Variants in GOLPH3L observed in about 807,000 individuals in gnomAD.
GOLPH3L encodes the protein golgi phosphoprotein 3 like.
GOLPH3L carries 22 observed loss-of-function variants against 30.3 expected under a neutral mutation model. The observed-to-expected ratio is 0.73, with a 90% confidence interval of 0.52 to 1.04. The LOEUF is 1.04. GOLPH3L is among the 50% of genes least tolerant of loss of function. The pLI is 0.00. For synonymous variants in GOLPH3L, 120 were observed against 128.2 expected, an observed-to-expected ratio of 0.94 and a Z score of 0.43; for missense variants, 303 against 345.8, an observed-to-expected ratio of 0.88 and a Z score of 0.98.
At chr1:150,657,844 T>A (rs1324889331) in intron 4 of GOLPH3L, among the ~76,000 whole-genome samples, 1 of 152,218 alleles carries the variant, frequency 6.6e-6, no homozygotes, top group Non-Finnish European at 1.5e-5. Context: ...GGACACCCCA[T>A]ATACAACTGA....
chr1:150,677,973 G>A (rs1047303493), intron 2 of GOLPH3L, among the ~76,000 whole-genome samples: 1 of 151,398 alleles, frequency 6.6e-6, no homozygotes, highest in Non-Finnish European at 1.5e-5. Context: ...TTGGCTATGG[G>A]TTATCAAGTA....
chr1:150,686,718 C>A (rs1249746697), intron 2 of GOLPH3L, among the ~76,000 whole-genome samples: 2 of 152,104 alleles, frequency 1.3e-5, no homozygotes, highest in Non-Finnish European at 2.9e-5. Context: ...GCCAAAATCC[C>A]AAATTCAAGT....
chr1:150,683,831 A>G (rs6685702), intron 2 of GOLPH3L, among the ~76,000 whole-genome samples: 58,378 of 151,142 alleles, frequency 0.39, 11,559 homozygotes, highest in South Asian at 0.55. Flanking sequence ...GCTGTCCTTC[A>G]GGCGGATGTA....
At chr1:150,692,671 A>G (rs1651240206) in intron 2 of GOLPH3L, among the ~76,000 whole-genome samples, 1 of 152,176 alleles carries the variant, frequency 6.6e-6, no homozygotes. Context: ...GGATTACAGG[A>G]ATTAGCCATT....
At chr1:150,654,380 C>T (rs1007099146) in intron 4 of GOLPH3L, among the ~76,000 whole-genome samples, 32 of 151,560 alleles carry the variant, frequency 2.1e-4, no homozygotes, top group African/African-American at 7.7e-4. Context: ...GTGGTGGGAG[C>T]CTGTAATCCC....
At position 150,692,825 on chromosome 1, in the gene GOLPH3L, C is replaced by A. The variant is rs587727078; in HGVS notation, c.183+1831G>T. Among the ~76,000 whole-genome samples, 50 of 152,172 alleles carry A rather than the reference C, an allele frequency of 3.3e-4. 1 individual carries two copies. In the South Asian group the frequency reaches 0.01, roughly 31 times the overall value. ...CCATTATAAACACATGAAGACAAGC[C>A]CAAAAGCAAAAATTCCAGTGCATAA... On this transcript the variant is annotated intron_variant, in intron 2 of 4. Transcript: ENST00000271732.
chr1:150,661,849 G>T lies in GOLPH3L; in HGVS notation c.395C>A (p.Thr132Lys). 1 of 1,578,898 alleles carries T rather than the reference G, an allele frequency of 6.3e-7. No individual in the cohort carries two copies. Among genetic ancestry groups the T allele is most frequent in the Non-Finnish European group, 8.7e-7 (1 of 1,147,732 alleles). Residue 132 changes from threonine to lysine, a missense_variant, in exon 4 of 5, where the codon ACA becomes AAA. Thr to Lys is a moderately conservative substitution (Grantham distance 78). Transcript: ENST00000271732. ...TLKHIKATEP[T>K]ETVQTWIELL... ...CTCTATCCATGTTTGGACAGTTTCTGTGGGTTCAGTTGCTTTGATGTGTTT... is the reference window on the plus strand; with the variant it reads ...CTCTATCCATGTTTGGACAGTTTCTTTGGGTTCAGTTGCTTTGATGTGTTT...
chr1:150,658,109 C>G (rs587598252), intron 4 of GOLPH3L, among the ~76,000 whole-genome samples: 4 of 152,166 alleles, frequency 2.6e-5, no homozygotes, highest in Admixed American at 1.3e-4. Flanking sequence ...AGCCAGATGC[C>G]GAGGAAGAGA....
intron 2 of GOLPH3L, among the ~76,000 whole-genome samples, chr1:150,687,581 A>T (rs754067588): frequency 2.0e-4 from 31 of 152,104 alleles, no homozygotes; most frequent in Admixed American, 7.2e-4. Context: ...GTCTCAAAAA[A>T]AAAACAAAAA....
At position 150,682,623 on chromosome 1, in the gene GOLPH3L, CAAAAAAAAAAAA is replaced by C. The variant is rs145118551; in HGVS notation, c.183+12021_183+12032del. 1.6e-4 allele frequency among the ~76,000 whole-genome samples: 8 copies of C among 50,316 alleles called. No homozygotes were observed. In the South Asian group the frequency reaches 4.2e-3, roughly 27 times the overall value. The allele number at this position is 50,316 out of a possible 152,430, so 33.0% of individuals were successfully genotyped here. ...CCAGTCTTGGTGACAGACTCTTTCT[CAAAAAAAAAAAA>C]AAAAAAAAAAAAAAAAAGTGTTCTC... On this transcript the variant is annotated intron_variant, in intron 2 of 4. Transcript: ENST00000271732.
intron 2 of GOLPH3L, among the ~76,000 whole-genome samples, chr1:150,666,342 TTTTG>T (rs139020031): frequency 0.38 from 57,021 of 151,374 alleles, 10,937 homozygotes; most frequent in South Asian, 0.54. Flanking sequence ...TCTGGAGAGT[TTTTG>T]TTTGTTTGTT....
At position 150,653,298 on chromosome 1, in the gene GOLPH3L, A is replaced by AT. The variant is rs750465136; in HGVS notation, c.431-4551dup. Among the ~76,000 whole-genome samples the AT allele has an allele frequency of 5.4e-3, 735 of 137,282 alleles. 10 individuals are homozygous for AT. Among genetic ancestry groups the AT allele is most frequent in the African/African-American group, 0.013 (495 of 37,694 alleles). 90.1% of individuals were successfully genotyped at this position (137,282 alleles called of 152,430 possible). ...ACTTGGTATAAATCTTTTTTTTTTT[A>AT]TTTTTTTTTTTTTTTGAGACGGAGT... On this transcript the variant is annotated intron_variant, in intron 4 of 4. Coordinates refer to ENST00000271732, the MANE Select transcript of GOLPH3L (RefSeq NM_018178.6).
At chr1:150,694,161 T>C in intron 2 of GOLPH3L, 2 of 451,376 alleles carry the variant, frequency 4.4e-6, no homozygotes, top group Non-Finnish European at 9.1e-6. Context: ...GTAATCCAAC[T>C]GTTGATATTT....
intron 2 of GOLPH3L, among the ~76,000 whole-genome samples, chr1:150,667,581 CTTTT>C (rs940783149): frequency 1.4e-5 from 2 of 145,672 alleles, no homozygotes; most frequent in South Asian, 2.2e-4. Flanking sequence ...CTAGTCTTTT[CTTTT>C]TTTTTCTTTC....
At chr1:150,691,546 A>G (rs1571058109) in intron 2 of GOLPH3L, among the ~76,000 whole-genome samples, 1 of 152,072 alleles carries the variant, frequency 6.6e-6, no homozygotes, top group African/African-American at 2.4e-5. Flanking sequence ...AAACAAAACT[A>G]TGAAACTTCC....
At chr1:150,695,569 A>T (rs1021338050) in intron 1 of GOLPH3L, among the ~76,000 whole-genome samples, 1 of 152,196 alleles carries the variant, frequency 6.6e-6, no homozygotes, top group Non-Finnish European at 1.5e-5. Flanking sequence ...CAGCCCCAAA[A>T]TGCATATAAT....
chr1:150,669,722 G>A (rs1004264681), intron 2 of GOLPH3L, among the ~76,000 whole-genome samples: 14 of 152,196 alleles, frequency 9.2e-5, no homozygotes, highest in African/African-American at 3.4e-4. Context: ...TGCACTTTGG[G>A]AGGTCAAGGC....
chr1:150,694,921 T>C, intron 1 of GOLPH3L, 71 bp from the exon 2 acceptor site: 1 of 766,662 alleles, frequency 1.3e-6, no homozygotes, highest in Non-Finnish European at 2.2e-6. Context: ...CATACATGCA[T>C]ACTAAACATC....
intron 2 of GOLPH3L, among the ~76,000 whole-genome samples, chr1:150,671,949 G>C (rs1179191831): frequency 3.3e-5 from 5 of 151,388 alleles, no homozygotes; most frequent in Admixed American, 2.6e-4. Context: ...ATATATAATT[G>C]AGTATCCAGG....
Sources: gnomAD v4.1 joint callset for allele counts (sites outside exome capture counted in the v4.1 genomes callset) on GRCh38, gnomAD v4.1.1 for gene constraint, MANE v1.5 for transcripts, NCBI Gene and HGNC (gene_info 2026-07-23, HGNC 2026-07-21) for gene names.